SGSM2: variants seen among roughly 807,000 people sequenced by gnomAD.
SGSM2 encodes the protein small G protein signaling modulator 2.
Under a neutral mutation model 126.6 loss-of-function variants are expected in SGSM2, and 89 were observed. The observed-to-expected ratio is 0.70, with a 90% confidence interval of 0.59 to 0.84. SGSM2 has a LOEUF of 0.84. SGSM2 is among the 40% of genes least tolerant of loss of function. The probability of loss-of-function intolerance (pLI) is 0.00; values close to 1 mark genes in which losing one functional copy is unlikely to be tolerated. For synonymous variants in SGSM2, 614 were observed against 574.3 expected (o/e 1.07, Z -0.99); for missense variants, 1,404 against 1,416.6 (o/e 0.99, Z 0.14).
rs1371717928 is a variant in SGSM2, at chr17:2,337,839, C to T, written c.57+94C>T. 3 of 876,820 alleles carry T rather than the reference C, an allele frequency of 3.4e-6. No individual in the cohort carries two copies. Among genetic ancestry groups the T allele is most frequent in the African/African-American group, 3.6e-5 (2 of 55,050 alleles). 54.3% of individuals were successfully genotyped at this position (876,820 alleles called of 1,614,324 possible). On this transcript the variant is annotated intron_variant, in intron 1 of 23. Transcript: ENST00000268989. This position sits in a 1 kb window ranked among gnomAD's most constrained non-coding sequence, Gnocchi z 5.1. Reference sequence around the variant, plus strand: ...CGCGCCCACCCCCCGGCGCGGGCACCCGGGCCGAACCTGGGCCGGGCGGGG... The same window carrying T: ...CGCGCCCACCCCCCGGCGCGGGCACTCGGGCCGAACCTGGGCCGGGCGGGG...
chr17:2,339,540 C>T (rs1258912173), intron 1 of SGSM2, among the ~76,000 whole-genome samples: 1 of 151,848 alleles, frequency 6.6e-6, no homozygotes, highest in Admixed American at 6.6e-5. Context: ...CTGGCTAACA[C>T]GGTGAAACCT....
In SGSM2 at chr17:2,379,728, G is replaced by A; in HGVS notation, c.*208G>A. The A allele has an allele frequency of 1.4e-6, 2 of 1,408,108 alleles. No individual in the cohort carries two copies. Among genetic ancestry groups the A allele is most frequent in the Non-Finnish European group, 1.9e-6 (2 of 1,080,340 alleles). 87.2% of individuals were successfully genotyped at this position (1,408,108 alleles called of 1,614,324 possible). On this transcript the variant is annotated 3_prime_UTR_variant, in exon 24 of 24. Transcript: ENST00000268989. ...TGCCCTCGGATCAGGGCCGGGATGG[G>A]AGGGGTCAGCCTCAGGGAGCAGCTG...
At chr17:2,375,964 C>G in intron 18 of SGSM2, 89 bp downstream of exon 18, 1 of 1,509,468 alleles carries the variant, frequency 6.6e-7, no homozygotes, top group East Asian at 2.3e-5. Flanking sequence ...GGGTGGAAGG[C>G]GGGGCGCCCT....
chr17:2,342,715 C>T (rs199995758), intron 1 of SGSM2, among the ~76,000 whole-genome samples: 3 of 148,374 alleles, frequency 2.0e-5, no homozygotes, highest in East Asian at 4.1e-4. Flanking sequence ...CAGTGGCTCA[C>T]GCCTGTAATC....
intron 1 of SGSM2, among the ~76,000 whole-genome samples, chr17:2,340,496 A>T (rs921500400): frequency 2.0e-5 from 3 of 152,180 alleles, no homozygotes; most frequent in Non-Finnish European, 4.4e-5. Context: ...AATGTGAGAA[A>T]TGTCAGAATA....
chr17:2,378,303 C>T (rs913474262), intron 22 of SGSM2, among the ~76,000 whole-genome samples: 4 of 151,976 alleles, frequency 2.6e-5, no homozygotes, highest in African/African-American at 7.2e-5. Context: ...AGGCTGGGTG[C>T]GGTGGCTCAT....
intron 11 of SGSM2, among the ~76,000 whole-genome samples, chr17:2,365,670 G>A (rs1369228873): frequency 6.6e-6 from 1 of 152,024 alleles, no homozygotes; most frequent in Non-Finnish European, 1.5e-5. Flanking sequence ...GTAGAAGGTG[G>A]GGAACCCTCC....
At chr17:2,378,713 G>C (rs1272970826) in intron 22 of SGSM2, among the ~76,000 whole-genome samples, 1 of 152,234 alleles carries the variant, frequency 6.6e-6, no homozygotes, top group Non-Finnish European at 1.5e-5. Context: ...CCCGGCTGAA[G>C]TGCAGGCAGA....
rs1025187042 is a variant in SGSM2, at chr17:2,376,063, T to TG, written c.2485-70dup. 10 of 1,600,930 alleles carry TG rather than the reference T, an allele frequency of 6.2e-6. No homozygotes were observed. In the African/African-American group the frequency reaches 8.0e-5, roughly 13 times the overall value. On this transcript the variant is annotated intron_variant, in intron 18 of 23. Coordinates refer to ENST00000268989, the MANE Select transcript of SGSM2 (RefSeq NM_014853.3). ...CTGGGTTCCGTTTTGCTGCATTTCT[T>TG]GGGGCGTCACCTCCTGCCCCCAGCC...
intron 2 of SGSM2, among the ~76,000 whole-genome samples, chr17:2,359,304 C>T (rs1161910231): frequency 2.0e-5 from 3 of 152,044 alleles, no homozygotes; most frequent in African/African-American, 4.8e-5. Context: ...ATTCATCACA[C>T]GTGCACACTC....
At position 2,362,773 on chromosome 17, in the gene SGSM2, G is replaced by A. The variant is rs2065375774; in HGVS notation, c.459-65G>A. The A allele has an allele frequency of 6.5e-7, 1 of 1,535,806 alleles. No homozygotes were observed. Among genetic ancestry groups the A allele is most frequent in the Non-Finnish European group, 9.0e-7 (1 of 1,112,366 alleles). ...GTCTTTGTGGGGATGTCCCTACCTGGTGAGCTTGACTGCCCTGGAATGAGC... is the reference window on the plus strand; with the variant it reads ...GTCTTTGTGGGGATGTCCCTACCTGATGAGCTTGACTGCCCTGGAATGAGC... On this transcript the variant is annotated intron_variant, in intron 4 of 23. Coordinates refer to ENST00000268989, the MANE Select transcript of SGSM2 (RefSeq NM_014853.3). This position sits in a 1 kb window ranked among gnomAD's most constrained non-coding sequence, Gnocchi z 4.9.
chr17:2,345,544 C>T (rs2064563407), intron 2 of SGSM2, among the ~76,000 whole-genome samples: 1 of 138,768 alleles, frequency 7.2e-6, no homozygotes, highest in Non-Finnish European at 1.5e-5. Context: ...TGCAGTGAGC[C>T]AAGATCGCGC....
chr17:2,364,213 C>G (rs544174401), intron 8 of SGSM2, 30 bp downstream of exon 8: 1 of 1,612,664 alleles, frequency 6.2e-7, no homozygotes, highest in African/African-American at 1.3e-5. Flanking sequence ...ATCCCAGGAG[C>G]CAGGGCAGGG....
In SGSM2 at chr17:2,380,680, A is replaced by C; in HGVS notation, c.*1160A>C. ...CCATCCCCACTTCCTCCTCTACCCC[A>C]ACACATGCAGGCTAGGCCTTGCCCT... On this transcript the variant is annotated 3_prime_UTR_variant, in exon 24 of 24. Transcript: ENST00000268989. 1 of 329,784 alleles carries C rather than the reference A, an allele frequency of 3.0e-6. No individual in the cohort carries two copies. The allele number at this position is 329,784 out of a possible 1,614,324, so 20.4% of individuals were successfully genotyped here.
chr17:2,339,558 C>CA (rs960244853), intron 1 of SGSM2, among the ~76,000 whole-genome samples: 2 of 151,690 alleles, frequency 1.3e-5, no homozygotes, highest in African/African-American at 4.8e-5. Flanking sequence ...CCTCTCTCTA[C>CA]AAAAAATTAG....
intron 2 of SGSM2, among the ~76,000 whole-genome samples, chr17:2,350,946 C>G (rs2064819975): frequency 6.6e-6 from 1 of 152,208 alleles, no homozygotes; most frequent in Admixed American, 6.5e-5. Context: ...CAAAGTCAAA[C>G]AGCCAGTAAG....
At position 2,362,977 on chromosome 17, in the gene SGSM2, C is replaced by T; in HGVS notation, c.527-12C>T. 6.2e-7 allele frequency: 1 copy of T among 1,614,096 alleles called. No homozygotes were observed. The highest frequency in any genetic ancestry group is 8.5e-7 in the Non-Finnish European group (1 of 1,180,026). On this transcript the variant is annotated splice_polypyrimidine_tract_variant and intron_variant, in intron 5 of 23. Transcript: ENST00000268989. The surrounding 1 kb of genome is among the most constrained non-coding windows in gnomAD (Gnocchi z 4.9). The stretch of plus-strand genomic sequence containing the variant: ...GGAGCATCGTCTGGGCTGGCTGTCT[C>T]TGTCTCCACAGTGGGACCCTGTGCC...
At chr17:2,376,628 AG>A (rs1310370038) in intron 19 of SGSM2, 104 bp from the exon 20 acceptor site, 3 of 1,245,500 alleles carry the variant, frequency 2.4e-6, no homozygotes, top group Non-Finnish European at 1.2e-6. Context: ...GGTCGTGGAA[AG>A]GCTGACTTCT....
Position 2,367,301 on chromosome 17 carries a change from G to GC in SGSM2, c.1321dup (p.Arg441ProfsTer8). 6.2e-7 allele frequency: 1 copy of GC among 1,614,014 alleles called. No homozygotes were observed. Among genetic ancestry groups the GC allele is most frequent in the East Asian group, 2.2e-5 (1 of 44,880 alleles). On this transcript the variant is annotated frameshift_variant, in exon 12 of 24. Coordinates refer to ENST00000268989, the MANE Select transcript of SGSM2 (RefSeq NM_014853.3). LOFTEE classifies it high-confidence loss of function. This position sits in a 1 kb window ranked among gnomAD's most constrained non-coding sequence, Gnocchi z 4.0. ...ATTAACTACCACCACCTAGCGGCCA[G>GC]CCGCGCGGCCTCGGTGGACGATGAT... is the stretch of plus-strand genomic sequence containing the variant.
Sources: gnomAD v4.1 joint callset for allele counts (sites outside exome capture counted in the v4.1 genomes callset) on GRCh38, gnomAD v4.1.1 for gene constraint, Gnocchi (gnomAD v3.1) non-coding constraint, MANE v1.5 for transcripts, NCBI Gene and HGNC (gene_info 2026-07-23, HGNC 2026-07-21) for gene names.